The following SATB1 variants were observed in gnomAD, a reference collection of about 807,000 sequenced individuals.
SATB1 encodes SATB homeobox 1.
SATB1 carries 11 observed loss-of-function variants against 86.9 expected under a neutral mutation model. That is an observed-to-expected ratio of 0.13 (90% CI 0.08 to 0.21). The LOEUF (loss-of-function observed/expected upper bound fraction) is 0.21. Ranked by LOEUF, SATB1 falls within the 10% of genes least tolerant of loss-of-function variation. SATB1 has a pLI of 1.00. For synonymous variants in SATB1, 357 were observed against 357.2 expected, an observed-to-expected ratio of 1.00 and a Z score of 0.01; for missense variants, 551 against 937.6, an observed-to-expected ratio of 0.59 and a Z score of 5.39.
rs575219086 is a variant in SATB1, at chr3:18,369,566, T to A, written c.1575+8604A>T. Among the ~76,000 whole-genome samples the A allele has an allele frequency of 1.7e-4, 26 of 152,130 alleles. 1 individual carries two copies. Among genetic ancestry groups the A allele is most frequent in the Non-Finnish European group, 1.0e-4 (7 of 68,030 alleles). Reference sequence around the variant, plus strand: ...CTTAAAAAAAAGGGGGGCCTGAAATTTTAGTTACACCACATGTGGTTTTCA... The same window carrying A: ...CTTAAAAAAAAGGGGGGCCTGAAATATTAGTTACACCACATGTGGTTTTCA... On this transcript the variant is annotated intron_variant, in intron 9 of 10. Coordinates refer to ENST00000338745, the MANE Select transcript of SATB1 (RefSeq NM_002971.6).
chr3:18,378,205 C>T lies in SATB1; in HGVS notation c.1540G>A (p.Ala514Thr), dbSNP rs2125188238. The part of the protein sequence containing the change: ...QEMKRAKVSQ[A>T]LFAKVAATKS... ...GTTGCTGCAACCTTTGCAAACAGTGCTTGAGACACTTTAGCACGCTTCATT... is the reference window on the plus strand; with the variant it reads ...GTTGCTGCAACCTTTGCAAACAGTGTTTGAGACACTTTAGCACGCTTCATT... The change falls in exon 9 of 11, where the codon GCA (alanine) becomes ACA (threonine). Residue 514 changes from alanine to threonine, a missense_variant. Physicochemically the swap from Ala to Thr is moderately conservative, Grantham distance 58. Coordinates refer to ENST00000338745, the MANE Select transcript of SATB1 (RefSeq NM_002971.6). The T allele has an allele frequency of 6.2e-7, 1 of 1,604,664 alleles. No individual in the cohort carries two copies. The highest frequency in any genetic ancestry group is 1.1e-5 in the South Asian group (1 of 88,324).
At chr3:18,425,914 C>G (rs1420684649), upstream of SATB1, among the ~76,000 whole-genome samples, 2 of 151,814 alleles carry the variant, frequency 1.3e-5, no homozygotes, top group Non-Finnish European at 2.9e-5. Flanking sequence ...AACTAACCAA[C>G]CACCCACACG....
chr3:18,357,784 G>T (rs763290395), intron 9 of SATB1, among the ~76,000 whole-genome samples: 1 of 151,676 alleles, frequency 6.6e-6, no homozygotes, highest in Non-Finnish European at 1.5e-5. Flanking sequence ...TTACAGAAGG[G>T]TTCTATTTTC....
At chr3:18,363,858 T>C (rs371995188) in intron 9 of SATB1, among the ~76,000 whole-genome samples, 3 of 152,042 alleles carry the variant, frequency 2.0e-5, no homozygotes, top group South Asian at 4.2e-4. Flanking sequence ...TTAGTTCAAT[T>C]GGAAAAAAAA....
At position 18,347,977 on chromosome 3, in the gene SATB1, C is replaced by T. The variant is rs1694143291; in HGVS notation, c.*1193G>A. On this transcript the variant is annotated 3_prime_UTR_variant, in exon 11 of 11. Transcript: ENST00000338745. Reference sequence around the variant, plus strand: ...ACAATTTTAATTGTGTAGTTACAGTCAATAACCACTCCTAGTCAGAACATT... The same window carrying T: ...ACAATTTTAATTGTGTAGTTACAGTTAATAACCACTCCTAGTCAGAACATT... The T allele has an allele frequency of 6.6e-6, 1 of 152,594 alleles. No individual in the cohort carries two copies. Among genetic ancestry groups the T allele is most frequent in the Middle Eastern group, 3.4e-3 (1 of 294 alleles). The allele number at this position is 152,594 out of a possible 1,614,324, so 9.5% of individuals were successfully genotyped here. A position where few individuals can be genotyped will look rare whatever the true frequency, so the allele number is the denominator to read the frequency against.
intron 8 of SATB1, among the ~76,000 whole-genome samples, chr3:18,380,305 T>C (rs1695981549): frequency 6.6e-6 from 1 of 152,184 alleles, no homozygotes; most frequent in African/African-American, 2.4e-5. Context: ...CTTTGGAAAG[T>C]TGGTGTTTCG....
intron 5 of SATB1, among the ~76,000 whole-genome samples, chr3:18,408,508 G>T (rs1329122013): frequency 1.3e-5 from 2 of 151,944 alleles, no homozygotes; most frequent in Non-Finnish European, 2.9e-5. Flanking sequence ...CCAACAGCCA[G>T]AGCGTTCCTT....
intron 9 of SATB1, among the ~76,000 whole-genome samples, chr3:18,377,360 A>T (rs1318168762): frequency 6.6e-6 from 1 of 152,162 alleles, no homozygotes; most frequent in Non-Finnish European, 1.5e-5. Flanking sequence ...AAAAGAGTTT[A>T]GTGTTCTTCT....
chr3:18,440,659 C>T (rs560743754), upstream of SATB1, among the ~76,000 whole-genome samples: 2 of 152,292 alleles, frequency 1.3e-5, no homozygotes, highest in South Asian at 4.1e-4. Flanking sequence ...TGATGCTCAT[C>T]ATGCTGAAAC....
In SATB1 at chr3:18,444,720, TCCTGCCGCCGCCGCCGCCGCCGGA is replaced by T; in HGVS notation, c.-25+774_-25+797del. On this transcript the variant is annotated intron_variant, in intron 1 of 3. Coordinates refer to the SATB1 transcript ENST00000415069. The surrounding 1 kb of genome is among the most constrained non-coding windows in gnomAD (Gnocchi z 5.1). ...CTTCCGAGGCGGCGGCTTCTGCCTC[TCCTGCCGCCGCCGCCGCCGCCGGA>T]GCTGCGGCTGCCGCGGAAGTTAATT... is the stretch of plus-strand genomic sequence containing the variant. The T allele has an allele frequency of 1.1e-6, 1 of 906,286 alleles. No individual in the cohort carries two copies. Among genetic ancestry groups the T allele is most frequent in the Non-Finnish European group, 1.3e-6 (1 of 758,716 alleles). 56.1% of individuals were successfully genotyped at this position (906,286 alleles called of 1,614,324 possible).
chr3:18,367,316 A>T (rs2125161596), intron 9 of SATB1, among the ~76,000 whole-genome samples: 1 of 152,324 alleles, frequency 6.6e-6, no homozygotes, highest in African/African-American at 2.4e-5. Flanking sequence ...TGCAAATGAT[A>T]CTGATGACTT....
chr3:18,348,931 A>T lies in SATB1; in HGVS notation c.*239T>A. Reference sequence around the variant, plus strand: ...ACTTTGGTGCATCCCGTGAACACAAATTTTAATACCAAACAATCCTTGATG... The same window carrying T: ...ACTTTGGTGCATCCCGTGAACACAATTTTTAATACCAAACAATCCTTGATG... On this transcript the variant is annotated 3_prime_UTR_variant, in exon 11 of 11. Transcript: ENST00000338745. 1.7e-6 allele frequency: 1 copy of T among 604,014 alleles called. No individual in the cohort carries two copies. The allele number at this position is 604,014 out of a possible 1,614,324, so 37.4% of individuals were successfully genotyped here.
chr3:18,426,730 T>C (rs1018430619), upstream of SATB1, among the ~76,000 whole-genome samples: 1 of 152,196 alleles, frequency 6.6e-6, no homozygotes, highest in African/African-American at 2.4e-5. The surrounding 1 kb of genome is among the most constrained non-coding windows in gnomAD (Gnocchi z 4.2). Flanking sequence ...ATCAGTCAGA[T>C]AAACATTTTG....
chr3:18,362,855 ATG>A (rs1694973232), intron 9 of SATB1, among the ~76,000 whole-genome samples: 1 of 93,734 alleles, frequency 1.1e-5, no homozygotes, highest in Admixed American at 1.3e-4. Context: ...CATATATGCC[ATG>A]TGCAAAAAAA....
chr3:18,392,055 T>C (rs1696703398), intron 7 of SATB1, among the ~76,000 whole-genome samples: 1 of 152,180 alleles, frequency 6.6e-6, no homozygotes, highest in African/African-American at 2.4e-5. Flanking sequence ...CAATTATCAA[T>C]ATAAAGCTTT....
At chr3:18,370,237 T>C (rs1695398832) in intron 9 of SATB1, among the ~76,000 whole-genome samples, 1 of 152,010 alleles carries the variant, frequency 6.6e-6, no homozygotes, top group Non-Finnish European at 1.5e-5. Flanking sequence ...GCGCTGGACT[T>C]TTACTATAGC....
chr3:18,401,475 T>G (rs182946818), intron 5 of SATB1, among the ~76,000 whole-genome samples: 46 of 152,230 alleles, frequency 3.0e-4, no homozygotes, highest in South Asian at 1.7e-3. Context: ...TCCAGTTCTC[T>G]CTCAGTGTCT....
chr3:18,360,018 A>T (rs1002148435), intron 9 of SATB1, among the ~76,000 whole-genome samples: 4 of 152,094 alleles, frequency 2.6e-5, no homozygotes, highest in Non-Finnish European at 5.9e-5. Context: ...TTGATTTCTG[A>T]ACAAAAAAGC....
At position 18,347,333 on chromosome 3, in the gene SATB1, A is replaced by C. The variant is rs1412733362; in HGVS notation, c.*1837T>G. On this transcript the variant is annotated 3_prime_UTR_variant, in exon 11 of 11. Coordinates refer to ENST00000338745, the MANE Select transcript of SATB1 (RefSeq NM_002971.6). ...AATCCTGTGACCATTAGCACACCTC[A>C]TTTTATATTCTGGCATTTTACTATG... is the stretch of plus-strand genomic sequence containing the variant. The C allele has an allele frequency of 6.6e-6, 1 of 152,134 alleles. No individual in the cohort carries two copies. The highest frequency in any genetic ancestry group is 1.5e-5 in the Non-Finnish European group (1 of 67,988). 9.4% of individuals were successfully genotyped at this position (152,134 alleles called of 1,614,324 possible).
Sources: allele counts gnomAD v4.1 joint callset (sites outside exome capture counted in the v4.1 genomes callset), GRCh38; gene constraint gnomAD v4.1.1; non-coding constraint Gnocchi (gnomAD v3.1); transcripts MANE v1.5; gene names NCBI Gene and HGNC (gene_info 2026-07-23, HGNC 2026-07-21).